Variants in SEMA3A observed in about 807,000 individuals in gnomAD.
The protein encoded by SEMA3A is semaphorin-3A.
In SEMA3A, 29 loss-of-function variants were observed where a neutral mutation model predicts 97.9. That is an observed-to-expected ratio of 0.30 (90% CI 0.22 to 0.40). The LOEUF is 0.40. Among genes scored for constraint, SEMA3A ranks in the 10% least tolerant of loss-of-function variants. SEMA3A has a pLI of 1.00. For missense variants in SEMA3A, 763 were observed against 951.3 expected (o/e 0.80, Z 2.60); for synonymous variants, 321 against 323.7 (o/e 0.99, Z 0.09).
At chr7:84,221,686 G>A (rs10081337) in intron 3 of SEMA3A, among the ~76,000 whole-genome samples, 107,356 of 151,808 alleles carry the variant, frequency 0.71, 38,192 homozygotes, top group East Asian at 0.79. Context: ...GAGTAGAGCC[G>A]TGAGAACACA....
At chr7:83,980,614 A>ACAAACAAAC (rs1243131696) in intron 14 of SEMA3A, among the ~76,000 whole-genome samples, 173 of 82,766 alleles carry the variant, frequency 2.1e-3, no homozygotes, top group African/African-American at 8.3e-3. Context: ...AAAAAAAAAA[A>ACAAACAAAC]AAAAAAAAAA....
intron 1 of SEMA3A, among the ~76,000 whole-genome samples, chr7:84,486,787 C>T (rs922148735): frequency 6.6e-6 from 1 of 152,014 alleles, no homozygotes; most frequent in African/African-American, 2.4e-5. Flanking sequence ...TAGTTAATAG[C>T]ATTTATTTCA....
At chr7:84,183,754 C>T (rs138517949) in intron 1 of SEMA3A, among the ~76,000 whole-genome samples, 36 of 152,134 alleles carry the variant, frequency 2.4e-4, no homozygotes, top group African/African-American at 8.7e-4. Flanking sequence ...AACGCAATAA[C>T]TCTGGCACAA....
intron 3 of SEMA3A, among the ~76,000 whole-genome samples, chr7:84,112,480 T>C (rs891123518): frequency 1.3e-5 from 2 of 152,160 alleles, no homozygotes; most frequent in African/African-American, 4.8e-5. Context: ...ATCACCTAAG[T>C]GCCTCCTTAG....
chr7:84,400,868 C>A (rs530698), intron 1 of SEMA3A, among the ~76,000 whole-genome samples: 48,418 of 151,950 alleles, frequency 0.32, 9,258 homozygotes, highest in African/African-American at 0.54. Flanking sequence ...AGAAGAAATA[C>A]CTCAAATCAA....
rs571977905 is a variant in SEMA3A, at chr7:84,161,679, G to A, written c.113-26728C>T. Among the ~76,000 whole-genome samples, 7 of 152,150 alleles carry A rather than the reference G, an allele frequency of 4.6e-5. No homozygotes were observed. The South Asian group carries it at 1.5e-3, about 32-fold the overall frequency. On this transcript the variant is annotated intron_variant, in intron 1 of 16. Transcript: ENST00000265362. ...ATGGAGAGAACTGCTAGATCTTTAT[G>A]GTCTAATTTTGGAACTGGTACAGAG...
At chr7:84,251,525 T>C (rs567093463) in intron 3 of SEMA3A, among the ~76,000 whole-genome samples, 1 of 152,302 alleles carries the variant, frequency 6.6e-6, no homozygotes, top group South Asian at 2.1e-4. Flanking sequence ...GAGATTGTCT[T>C]TGAGCCAGAA....
chr7:84,492,161 A>G (rs1161730865), intron 1 of SEMA3A, among the ~76,000 whole-genome samples: 1 of 152,116 alleles, frequency 6.6e-6, no homozygotes, highest in Non-Finnish European at 1.5e-5. Context: ...TGACAGTAAT[A>G]AAGGACATTT....
intron 14 of SEMA3A, among the ~76,000 whole-genome samples, chr7:83,980,603 C>CAAAAAAAA (rs749889921): frequency 0.05 from 2,679 of 53,766 alleles, 286 homozygotes; most frequent in Non-Finnish European, 0.077. Context: ...GACTCCATCT[C>CAAAAAAAA]AAAAAAAAAA....
intron 1 of SEMA3A, among the ~76,000 whole-genome samples, chr7:84,184,330 T>G (rs1797813938): frequency 6.6e-6 from 1 of 152,138 alleles, no homozygotes; most frequent in Non-Finnish European, 1.5e-5. Context: ...CTAGGCACCT[T>G]GGGAAGTAAA....
chr7:84,078,416 C>T (rs1361165686), intron 4 of SEMA3A, among the ~76,000 whole-genome samples: 1 of 152,106 alleles, frequency 6.6e-6, no homozygotes, highest in Non-Finnish European at 1.5e-5. Context: ...ATATCACCTG[C>T]ATGAGCACTG....
chr7:84,286,928 A>G (rs1800604069), intron 3 of SEMA3A, among the ~76,000 whole-genome samples: 1 of 152,136 alleles, frequency 6.6e-6, no homozygotes, highest in African/African-American at 2.4e-5. Flanking sequence ...TTTAATATTT[A>G]AAATAAACAA....
rs1198570352 is a variant in SEMA3A, at chr7:84,227,299, CA to C, written c.-82-32632del. The stretch of plus-strand genomic sequence containing the variant: ...TCTTGAGACAGATTAAAGAGTTTAT[CA>C]AGATATTTTTCAATCTCAAAGCAGC... On this transcript the variant is annotated intron_variant, in intron 3 of 3. Transcript: ENST00000424555. Among the ~76,000 whole-genome samples, 5 of 152,032 alleles carry C rather than the reference CA, an allele frequency of 3.3e-5. 1 individual carries two copies. The highest frequency in any genetic ancestry group is 1.2e-4 in the African/African-American group (5 of 41,504).
intron 2 of SEMA3A, among the ~76,000 whole-genome samples, chr7:84,342,636 A>T (rs1033541482): frequency 1.3e-5 from 2 of 152,234 alleles, no homozygotes; most frequent in African/African-American, 4.8e-5. Flanking sequence ...CTTCAATTGT[A>T]AATTTTCCAC....
chr7:84,103,075 C>A (rs191098904), intron 4 of SEMA3A, among the ~76,000 whole-genome samples: 1 of 152,166 alleles, frequency 6.6e-6, no homozygotes, highest in African/African-American at 2.4e-5. Flanking sequence ...AATGACATTG[C>A]TATGTATACT....
intron 3 of SEMA3A, among the ~76,000 whole-genome samples, chr7:84,258,817 C>A (rs1418023176): frequency 1.3e-5 from 2 of 152,130 alleles, no homozygotes; most frequent in East Asian, 3.9e-4. Flanking sequence ...AACCACAAAA[C>A]CTCATTCTTC....
chr7:84,204,344 C>T (rs1169732784), intron 3 of SEMA3A, among the ~76,000 whole-genome samples: 1 of 152,066 alleles, frequency 6.6e-6, no homozygotes, highest in Non-Finnish European at 1.5e-5. Flanking sequence ...GTTGATCACC[C>T]CCTTTTCCCA....
chr7:84,421,682 A>G lies in SEMA3A; in HGVS notation c.-245-49782T>C, dbSNP rs61049791. Among the ~76,000 whole-genome samples, 2,046 of 152,118 alleles carry G rather than the reference A, an allele frequency of 0.013. 93 individuals are homozygous for G. The East Asian group carries it at 0.16, about 12-fold the overall frequency. ...CATAAATAGCTCTTATTATTTTGAGATACGTTCCATCAATACCTAGTTTAT... is the reference window on the plus strand; with the variant it reads ...CATAAATAGCTCTTATTATTTTGAGGTACGTTCCATCAATACCTAGTTTAT... On this transcript the variant is annotated intron_variant, in intron 1 of 3. Transcript: ENST00000424555.
chr7:84,077,465 T>C (rs1793994802), intron 4 of SEMA3A, among the ~76,000 whole-genome samples: 1 of 152,074 alleles, frequency 6.6e-6, no homozygotes, highest in African/African-American at 2.4e-5. Flanking sequence ...GCATATGTCC[T>C]GTAAAAAGAA....
Sources: gnomAD v4.1 joint callset for allele counts (sites outside exome capture counted in the v4.1 genomes callset) on GRCh38, gnomAD v4.1.1 for gene constraint, MANE v1.5 for transcripts, NCBI Gene and HGNC (gene_info 2026-07-23, HGNC 2026-07-21) for gene names.